Variants in ATP10B observed in about 807,000 individuals in gnomAD.
ATP10B encodes the protein phospholipid-transporting ATPase VB.
A neutral mutation model predicts 141.2 loss-of-function variants in ATP10B; 122 were observed. The observed-to-expected ratio is 0.86, with a 90% CI of 0.75 to 1.00. The LOEUF (loss-of-function observed/expected upper bound fraction) is 1.00. ATP10B is among the 50% of genes least tolerant of loss of function. The pLI, the probability that ATP10B is intolerant of heterozygous loss-of-function variation, is 0.00. For synonymous variants in ATP10B, 685 were observed against 692.0 expected (o/e 0.99, Z 0.16); for missense variants, 1,876 against 1,825.3 (o/e 1.03, Z -0.51).
the ATP10B span, among the ~76,000 whole-genome samples, chr5:160,868,368 A>G: frequency 6.6e-6 from 1 of 152,210 alleles, no homozygotes; most frequent in South Asian, 2.1e-4. Context: ...TAAACACCAC[A>G]AGGTTGACAA....
intron 1 of ATP10B, among the ~76,000 whole-genome samples, chr5:160,804,950 G>T (rs1238634101): frequency 1.3e-5 from 2 of 152,118 alleles, no homozygotes; most frequent in Non-Finnish European, 2.9e-5. Context: ...AGAATTATGT[G>T]TACCAAAAAA....
At chr5:160,626,996 T>A (rs1415650551) in intron 13 of ATP10B, among the ~76,000 whole-genome samples, 1 of 152,190 alleles carries the variant, frequency 6.6e-6, no homozygotes. Context: ...GTTCCTCTTA[T>A]GTCTCTATTT....
chr5:160,724,978 G>A (rs1052379018), intron 2 of ATP10B, among the ~76,000 whole-genome samples: 3 of 152,090 alleles, frequency 2.0e-5, no homozygotes, highest in Non-Finnish European at 4.4e-5. Context: ...ATGAAAACAG[G>A]GACTTTTGTC....
rs60861701 is a variant in ATP10B, at chr5:160,797,540, T to C, written c.-575-11737A>G. Among the ~76,000 whole-genome samples the C allele has an allele frequency of 9.6e-3, 1,455 of 152,314 alleles. 23 individuals carry two copies. The highest frequency in any genetic ancestry group is 0.033 in the African/African-American group (1,385 of 41,566). Reference sequence around the variant, plus strand: ...TACTTTGAAAGTAGGGGCTATATTTTATATATTCCATGTTCCCTAAGTGCC... The same window carrying C: ...TACTTTGAAAGTAGGGGCTATATTTCATATATTCCATGTTCCCTAAGTGCC... On this transcript the variant is annotated intron_variant, in intron 1 of 25. Transcript: ENST00000327245.
chr5:160,657,559 C>A (rs1217476256), intron 7 of ATP10B, among the ~76,000 whole-genome samples: 1 of 152,146 alleles, frequency 6.6e-6, no homozygotes, highest in African/African-American at 2.4e-5. Context: ...AGTTTGAGTT[C>A]CCTTTTGTCA....
chr5:160,627,245 A>T (rs1222462716), intron 13 of ATP10B, among the ~76,000 whole-genome samples: 1 of 152,132 alleles, frequency 6.6e-6, no homozygotes, highest in Non-Finnish European at 1.5e-5. Flanking sequence ...ACCTCTTCTA[A>T]GCTCCTATAG....
intron 1 of ATP10B, among the ~76,000 whole-genome samples, chr5:160,803,545 G>A (rs1039448648): frequency 7.2e-5 from 11 of 152,052 alleles, no homozygotes. Flanking sequence ...GCGTGGTGGT[G>A]CATGCCTGTA....
intron 2 of ATP10B, among the ~76,000 whole-genome samples, chr5:160,718,981 A>G (rs572558413): frequency 3.7e-4 from 56 of 152,342 alleles, no homozygotes; most frequent in African/African-American, 1.2e-3. Context: ...ATGAATAAAC[A>G]AAGGAATAAG....
the ATP10B span, among the ~76,000 whole-genome samples, chr5:160,911,232 A>C: frequency 3.9e-5 from 6 of 152,198 alleles, no homozygotes; most frequent in Non-Finnish European, 8.8e-5. Context: ...CTCAGAGGAC[A>C]AAGGAGATAC....
chr5:160,764,099 C>T (rs1387852914), intron 2 of ATP10B, among the ~76,000 whole-genome samples: 3 of 152,136 alleles, frequency 2.0e-5, no homozygotes, highest in Admixed American at 2.0e-4. Context: ...CAGGACCAGA[C>T]AAATTCACAG....
chr5:160,858,395 G>A, the ATP10B span, among the ~76,000 whole-genome samples: 510 of 151,946 alleles, frequency 3.4e-3, 2 homozygotes, highest in Non-Finnish European at 4.0e-3. Context: ...GCATGTAACT[G>A]ATCATTTTAA....
the ATP10B span, among the ~76,000 whole-genome samples, chr5:160,902,696 T>C: frequency 1.4e-4 from 21 of 152,346 alleles, no homozygotes; most frequent in African/African-American, 4.6e-4. Context: ...GACTCACTGA[T>C]AGCAGTGCTT....
At chr5:160,868,232 G>T in the ATP10B span, among the ~76,000 whole-genome samples, 6 of 152,008 alleles carry the variant, frequency 3.9e-5, no homozygotes, top group Admixed American at 6.6e-5. Context: ...ATGCCTTTTT[G>T]ACTCTTTTCC....
chr5:160,873,592 C>G, the ATP10B span, among the ~76,000 whole-genome samples: 2 of 152,094 alleles, frequency 1.3e-5, no homozygotes, highest in African/African-American at 4.8e-5. Flanking sequence ...ACACAGAAGA[C>G]GGGTGATTTC....
chr5:160,778,402 GGAA>G (rs997316178), intron 2 of ATP10B, among the ~76,000 whole-genome samples: 118 of 152,296 alleles, frequency 7.7e-4, no homozygotes, highest in African/African-American at 2.6e-3. Context: ...CAAAGTGAAA[GGAA>G]GAAGTTGTCC....
intron 1 of ATP10B, among the ~76,000 whole-genome samples, chr5:160,811,600 T>C (rs1164375083): frequency 6.6e-6 from 1 of 152,070 alleles, no homozygotes; most frequent in Non-Finnish European, 1.5e-5. Context: ...CCCCTCTTCC[T>C]ACCCCTGCCT....
At chr5:160,928,810 G>A in the ATP10B span, among the ~76,000 whole-genome samples, 1 of 152,142 alleles carries the variant, frequency 6.6e-6, no homozygotes, top group East Asian at 1.9e-4. Flanking sequence ...TACAACTAGT[G>A]CCCAATGACT....
chr5:160,874,266 G>GA, the ATP10B span, among the ~76,000 whole-genome samples: 3 of 61,752 alleles, frequency 4.9e-5, no homozygotes, highest in Non-Finnish European at 1.4e-4. Context: ...CACCCCCCAG[G>GA]AGGGTACACT....
intron 18 of ATP10B, among the ~76,000 whole-genome samples, chr5:160,609,262 A>G (rs992896137): frequency 1.3e-5 from 2 of 152,204 alleles, no homozygotes; most frequent in Non-Finnish European, 2.9e-5. Flanking sequence ...AAAAAAAAGT[A>G]CAAGTCATAT....
Sources: allele counts gnomAD v4.1 joint callset (sites outside exome capture counted in the v4.1 genomes callset), GRCh38; gene constraint gnomAD v4.1.1; transcripts MANE v1.5; gene names NCBI Gene and HGNC (gene_info 2026-07-23, HGNC 2026-07-21).